Variants in VSIG10 observed in about 807,000 individuals in gnomAD.
VSIG10 encodes the protein V-set and immunoglobulin domain-containing protein 10.
A neutral mutation model predicts 58.7 loss-of-function variants in VSIG10; 48 were observed. The observed-to-expected ratio is 0.82, with a 90% confidence interval of 0.65 to 1.04. The LOEUF is 1.04. Among genes scored for constraint, VSIG10 ranks in the 50% least tolerant of loss-of-function variants. VSIG10 has a pLI of 0.00. For synonymous variants in VSIG10, 260 were observed against 267.1 expected (o/e 0.97, Z 0.26); for missense variants, 628 against 670.0 (o/e 0.94, Z 0.69).
In VSIG10 at chr12:118,068,522, T is replaced by TTCCTCC. The variant is rs67582641; in HGVS notation, c.1416_1421dup (p.Glu473_Glu474dup). 3.6e-4 allele frequency: 582 copies of TTCCTCC among 1,602,506 alleles called. No homozygotes were observed. The African/African-American group carries it at 6.1e-3, about 17-fold the overall frequency. ...CCTCCTGTTCCCCTACTGCAGCATC[T>TTCCTCC]TCCTCCTCCTCCTCCTCCTCCTCCT... On this transcript the variant is annotated inframe_insertion, in exon 8 of 9. Transcript: ENST00000359236.
intron 2 of VSIG10, among the ~76,000 whole-genome samples, chr12:118,094,219 A>T (rs1566176135): frequency 6.6e-6 from 1 of 151,518 alleles, no homozygotes; most frequent in South Asian, 2.1e-4. Flanking sequence ...GGCAATCCTG[A>T]GTAGCTGGGA....
At chr12:118,076,871 C>G (rs1416376325) in intron 4 of VSIG10, among the ~76,000 whole-genome samples, 1 of 152,100 alleles carries the variant, frequency 6.6e-6, no homozygotes, top group Non-Finnish European at 1.5e-5. Flanking sequence ...GTTGCCCAGG[C>G]TGGTCTCGAA....
chr12:118,100,889 A>G lies in VSIG10; in HGVS notation c.79+2704T>C, dbSNP rs79344518. 8.3e-3 allele frequency among the ~76,000 whole-genome samples: 1,258 copies of G among 152,366 alleles called. 18 individuals are homozygous for G. The highest frequency in any genetic ancestry group is 0.028 in the African/African-American group (1,168 of 41,588). On this transcript the variant is annotated intron_variant, in intron 1 of 8. Transcript: ENST00000359236. ...AAATTATCCAGTGGCAACCGCCACA[A>G]TGGAAAGGAAGATGAACTTCAGAGT...
At chr12:118,095,475 C>A in intron 2 of VSIG10, 58 bp downstream of exon 2, 1 of 1,596,244 alleles carries the variant, frequency 6.3e-7, no homozygotes. Context: ...ACCATGGTCT[C>A]CTCCTTTCCA....
At chr12:118,091,827 A>G (rs978481084) in intron 2 of VSIG10, among the ~76,000 whole-genome samples, 3 of 151,766 alleles carry the variant, frequency 2.0e-5, no homozygotes, top group Non-Finnish European at 4.4e-5. Context: ...GCGCAATCTC[A>G]GCTCGCTGCA....
At chr12:118,099,447 C>T (rs948529008) in intron 1 of VSIG10, among the ~76,000 whole-genome samples, 6 of 151,916 alleles carry the variant, frequency 3.9e-5, no homozygotes, top group Non-Finnish European at 8.8e-5. Context: ...GCCCAGCCAA[C>T]CCTGACTCAT....
chr12:118,099,451 G>C (rs2033566761), intron 1 of VSIG10, among the ~76,000 whole-genome samples: 1 of 151,828 alleles, frequency 6.6e-6, no homozygotes, highest in Admixed American at 6.6e-5. Flanking sequence ...AGCCAACCCT[G>C]ACTCATAAAA....
chr12:118,098,445 G>A (rs1306019587), intron 1 of VSIG10, among the ~76,000 whole-genome samples: 1 of 151,984 alleles, frequency 6.6e-6, no homozygotes, highest in Non-Finnish European at 1.5e-5. Context: ...TCTCTCAGAA[G>A]CCCCATGGAA....
At chr12:118,095,509 C>G in intron 2 of VSIG10, 24 bp downstream of exon 2, 1 of 1,612,946 alleles carries the variant, frequency 6.2e-7, no homozygotes, top group East Asian at 2.2e-5. Context: ...CTCTCCAGCC[C>G]CGGTCCCTGC....
At position 118,073,963 on chromosome 12, in the gene VSIG10, T is replaced by C. The variant is rs202240524; in HGVS notation, c.955A>G (p.Lys319Glu). 91 of 1,592,710 alleles carry C rather than the reference T, an allele frequency of 5.7e-5. No homozygotes were observed. The African/African-American group carries it at 1.1e-3, about 19-fold the overall frequency. The change falls in exon 5 of 9, where the codon AAG (lysine) becomes GAG (glutamate). Residue 319 changes from lysine to glutamate, a missense_variant. Physicochemically the swap from Lys to Glu is moderately conservative, Grantham distance 56. Transcript: ENST00000359236. The stretch of plus-strand genomic sequence containing the variant: ...ACATTGCCCCCAGTGAAGCAAGTCT[T>C]CATGGGCTCAGAGAGAAGGGAGGGA... ...RGPSLLSEPM[K>E]TCFTGGNVTL...
At chr12:118,090,731 C>T (rs2137929640) in intron 2 of VSIG10, among the ~76,000 whole-genome samples, 1 of 152,254 alleles carries the variant, frequency 6.6e-6, no homozygotes, top group Non-Finnish European at 1.5e-5. Context: ...TGACTTACTG[C>T]AGTTTTGATC....
chr12:118,093,133 CAA>C (rs63145763), intron 2 of VSIG10, among the ~76,000 whole-genome samples: 653 of 139,078 alleles, frequency 4.7e-3, no homozygotes, highest in East Asian at 0.018. Context: ...GCTAAAAATA[CAA>C]AAAAAAAAAA....
chr12:118,089,833 T>G (rs1199384567), intron 2 of VSIG10, among the ~76,000 whole-genome samples: 1 of 152,080 alleles, frequency 6.6e-6, no homozygotes, highest in Non-Finnish European at 1.5e-5. Flanking sequence ...TCCAAACCTG[T>G]GCATTTTCAC....
chr12:118,084,162 T>C (rs1017218783), intron 2 of VSIG10, among the ~76,000 whole-genome samples: 3 of 152,100 alleles, frequency 2.0e-5, no homozygotes, highest in African/African-American at 7.2e-5. Flanking sequence ...CCAAATCCTG[T>C]TCTAGAACAA....
rs2032187396 is a variant in VSIG10, at chr12:118,064,614, ATT to A, written c.*2023_*2024del. On this transcript the variant is annotated 3_prime_UTR_variant, in exon 9 of 9. Coordinates refer to ENST00000359236, the MANE Select transcript of VSIG10 (RefSeq NM_019086.6). ...AGTATCTCATTCTAAAATGACACTG[ATT>A]TACACTGTTGAGAATGGTTAAGTAC... is the stretch of plus-strand genomic sequence containing the variant. 1 of 152,162 alleles carries A rather than the reference ATT, an allele frequency of 6.6e-6. No individual in the cohort carries two copies. Among genetic ancestry groups the A allele is most frequent in the Non-Finnish European group, 1.5e-5 (1 of 68,040 alleles). 9.4% of individuals were successfully genotyped at this position (152,162 alleles called of 1,614,324 possible).
intron 2 of VSIG10, among the ~76,000 whole-genome samples, chr12:118,088,644 G>A (rs1479310553): frequency 6.6e-6 from 1 of 152,248 alleles, no homozygotes; most frequent in East Asian, 1.9e-4. Context: ...CGCCCTCCCC[G>A]CTGGCCACTG....
chr12:118,083,169 C>T (rs112339174), intron 2 of VSIG10, among the ~76,000 whole-genome samples: 4,145 of 141,244 alleles, frequency 0.029, 59 homozygotes, highest in Middle Eastern at 0.078. Context: ...GGGCTAGGCA[C>T]AGTAGCTCAT....
intron 2 of VSIG10, among the ~76,000 whole-genome samples, chr12:118,090,588 T>C (rs1377691552): frequency 6.6e-6 from 1 of 152,150 alleles, no homozygotes; most frequent in African/African-American, 2.4e-5. Flanking sequence ...CTTCTCCCTA[T>C]CTGTGAATGC....
chr12:118,093,729 T>C (rs1436499056), intron 2 of VSIG10, among the ~76,000 whole-genome samples: 16 of 151,712 alleles, frequency 1.1e-4, no homozygotes, highest in Non-Finnish European at 2.4e-4. Flanking sequence ...AGCAACATGG[T>C]GAAACCCCAT....
Sources: allele counts gnomAD v4.1 joint callset (sites outside exome capture counted in the v4.1 genomes callset), GRCh38; gene constraint gnomAD v4.1.1; transcripts MANE v1.5; gene names NCBI Gene and HGNC (gene_info 2026-07-23, HGNC 2026-07-21).